The following TRMT112 variants were observed in gnomAD, a reference collection of about 807,000 sequenced individuals.
TRMT112 encodes tRNA methyltransferase activator subunit 11-2, also known as multifunctional methyltransferase subunit TRM112-like protein.
TRMT112 carries 9 observed loss-of-function variants against 13.8 expected under a neutral mutation model. The ratio of observed to expected loss-of-function variants is 0.65; its 90% CI spans 0.39 to 1.14. TRMT112 has a LOEUF of 1.14. Among genes scored for constraint, TRMT112 ranks in the 50% most tolerant of loss-of-function variants. The pLI is 0.01. For missense variants in TRMT112, 196 were observed against 165.5 expected (o/e 1.18, Z -1.01); for synonymous variants, 64 against 67.0 (o/e 0.96, Z 0.22).
At chr11:64,318,212 G>A (rs2035364798), upstream of TRMT112, 1 of 1,611,340 alleles carries the variant, frequency 6.2e-7, no homozygotes, top group Non-Finnish European at 8.5e-7. Flanking sequence ...GCCGTGGGGC[G>A]GGTATGGGAC....
chr11:64,317,510 T>G lies in TRMT112; in HGVS notation c.17A>C (p.His6Pro), dbSNP rs780435157. ...CCGCACATGCGAGCTCAGCAGATTG[T>G]GGGTAAGCAGTTTCATGTCGCCGCA... is the stretch of plus-strand genomic sequence containing the variant. MKLLT[H>P]NLLSSHVRGV... The change falls in exon 1 of 4, where the codon CAC (histidine) becomes CCC (proline). Residue 6 changes from histidine to proline, a missense_variant. Physicochemically the swap from His to Pro is moderately conservative, Grantham distance 77. Transcript: ENST00000544844. 3.8e-6 allele frequency: 6 copies of G among 1,586,616 alleles called. No individual in the cohort carries two copies. In the African/African-American group the frequency reaches 8.1e-5, roughly 21 times the overall value.
At chr11:64,316,991 C>T in intron 3 of TRMT112, 23 bp from the exon 4 acceptor site, 2 of 1,611,936 alleles carry the variant, frequency 1.2e-6, no homozygotes, top group Non-Finnish European at 1.7e-6. Flanking sequence ...AGGGACAGAG[C>T]TGAGCACTGG....
chr11:64,317,398 A>T, intron 1 of TRMT112, 33 bp from the exon 2 acceptor site: 8 of 1,613,726 alleles, frequency 5.0e-6, no homozygotes, highest in Non-Finnish European at 5.9e-6. Context: ...CAAGCACTGG[A>T]CCCCGGCCCA....
rs1314448637 is a variant in TRMT112 at position 64,316,766 on chromosome 11, T to A, written c.*95A>T. ...AAACACTGTGTTTGGTGTCATTGGG[T>A]CAAGGGTTGGGGATACACACGGCAG... On this transcript the variant is annotated 3_prime_UTR_variant, in exon 4 of 4. Transcript: ENST00000544844. 6.1e-6 allele frequency: 5 copies of A among 818,182 alleles called. No individual in the cohort carries two copies. In the East Asian group the frequency reaches 1.2e-4, roughly 20 times the overall value. The allele number at this position is 818,182 out of a possible 1,614,324, so 50.7% of individuals were successfully genotyped here. A position where few individuals can be genotyped will look rare whatever the true frequency, so the allele number is the denominator to read the frequency against.
rs552847770 is a variant in TRMT112, at chr11:64,317,401, C to G, written c.79-36G>C. 85 of 1,614,082 alleles carry G rather than the reference C, an allele frequency of 5.3e-5. 1 individual carries two copies. In the South Asian group the frequency reaches 8.3e-4, roughly 16 times the overall value. ...GAGGAGTTTAGGCAAGCACTGGACC[C>G]CGGCCCACCATCCCGCCCGAAAAGG... is the stretch of plus-strand genomic sequence containing the variant. On this transcript the variant is annotated intron_variant, in intron 1 of 3. Coordinates refer to ENST00000544844, the MANE Select transcript of TRMT112 (RefSeq NM_016404.3).
At position 64,316,687 on chromosome 11, in the gene TRMT112, C is replaced by T; in HGVS notation, c.*174G>A. On this transcript the variant is annotated 3_prime_UTR_variant, in exon 4 of 4. Transcript: ENST00000544844. ...AATGTATATTTGCTGCAAAGAGAAACCGCTTTTGGTTTTAAACCTTTAATG... is the reference window on the plus strand; with the variant it reads ...AATGTATATTTGCTGCAAAGAGAAATCGCTTTTGGTTTTAAACCTTTAATG... 7 of 609,670 alleles carry T rather than the reference C, an allele frequency of 1.1e-5. No homozygotes were observed. The highest frequency in any genetic ancestry group is 8.3e-5 in the South Asian group (4 of 48,256). The allele number at this position is 609,670 out of a possible 1,614,324, so 37.8% of individuals were successfully genotyped here. A position where few individuals can be genotyped will look rare whatever the true frequency, so the allele number is the denominator to read the frequency against.
chr11:64,318,020 G>A (rs1052830049), upstream of TRMT112: 3 of 1,413,246 alleles, frequency 2.1e-6, no homozygotes, highest in East Asian at 8.0e-5. Flanking sequence ...TTGTAGTTGC[G>A]TCGGCTGTCC....
At position 64,317,346 on chromosome 11, in the gene TRMT112, C is replaced by G; in HGVS notation, c.98G>C (p.Cys33Ser). Residue 33 changes from cysteine (C) to serine (S), a missense_variant, in exon 2 of 4, where the codon TGC becomes TCC. Coordinates refer to ENST00000544844, the MANE Select transcript of TRMT112 (RefSeq NM_016404.3). ...GAAGTTGGGGTTGAATTCCACAGGG[C>G]AGATACGGACCTCGGTGGCCTGCAG... Reference protein sequence around the residue: ...LRLQATEVRICPVEFNPNFVA... With the variant: ...LRLQATEVRISPVEFNPNFVA... 1 of 1,614,180 alleles carries G rather than the reference C, an allele frequency of 6.2e-7. No individual in the cohort carries two copies. Among genetic ancestry groups the G allele is most frequent in the Non-Finnish European group, 8.5e-7 (1 of 1,180,020 alleles).
intron 3 of TRMT112, 42 bp from the exon 4 acceptor site, chr11:64,317,010 G>T (rs1258837189): frequency 9.9e-6 from 16 of 1,611,332 alleles, no homozygotes; most frequent in Admixed American, 1.7e-5. Flanking sequence ...GGCAGCCTCA[G>T]TGCGGGAGGC....
chr11:64,317,558 C>T lies in TRMT112; in HGVS notation c.-32G>A, dbSNP rs367624863. 5.3e-6 allele frequency: 8 copies of T among 1,512,026 alleles called. No homozygotes were observed. In the African/African-American group the frequency reaches 8.3e-5, roughly 16 times the overall value. The allele number at this position is 1,512,026 out of a possible 1,614,324, so 93.7% of individuals were successfully genotyped here. On this transcript the variant is annotated 5_prime_UTR_variant, in exon 1 of 4. Transcript: ENST00000544844. ...GCACAAACTCTCGCCAGGCCGGAAC[C>T]GGAAAAAGGTCGTCCTCCGCTGCCT...
At chr11:64,317,571 T>A, upstream of TRMT112, 1 of 1,489,546 alleles carries the variant, frequency 6.7e-7, no homozygotes, top group Non-Finnish European at 9.0e-7. Context: ...AAAAAGGTCG[T>A]CCTCCGCTGC....
At chr11:64,318,392 C>A (rs1477917883), upstream of TRMT112, 7 of 1,601,512 alleles carry the variant, frequency 4.4e-6, no homozygotes, top group Non-Finnish European at 6.0e-6. Flanking sequence ...TCAAGGTGAC[C>A]GCTGGCCCGG....
In TRMT112 at chr11:64,316,912, G is replaced by A; in HGVS notation, c.327C>T (p.Ile109=). The change falls in exon 4 of 4, where the codon ATC becomes ATT. Residue 109 remains isoleucine, a synonymous_variant. Transcript: ENST00000544844. ...GCAGCATGTTGGGGATCCCGCGGCTGATGGGGAACATACGTCCAGATTCCG... is the reference window on the plus strand; with the variant it reads ...GCAGCATGTTGGGGATCCCGCGGCTAATGGGGAACATACGTCCAGATTCCG... ...QCPESGRMFP[I]SRGIPNMLLS... The A allele has an allele frequency of 6.2e-7, 1 of 1,612,072 alleles. No individual in the cohort carries two copies. The highest frequency in any genetic ancestry group is 8.5e-7 in the Non-Finnish European group (1 of 1,178,690).
At chr11:64,318,482 C>G, upstream of TRMT112, 1 of 1,444,958 alleles carries the variant, frequency 6.9e-7, no homozygotes, top group Non-Finnish European at 9.3e-7. Context: ...TCCTGCCTGC[C>G]AGACCCCTCC....
chr11:64,317,452 G>A lies in TRMT112; in HGVS notation c.75C>T (p.Leu25=). ...GAAGACTGCCGCCGGCGGGTACCTG[G>A]AGGCGCAGGGGGAAGCCACGGGACC... ...GVGSRGFPLR[L]QATEVRICPV... is the part of the protein sequence containing the mutation. Residue 25 remains leucine (L), a synonymous_variant, in exon 1 of 4, where the codon CTC becomes CTT. Coordinates refer to ENST00000544844, the MANE Select transcript of TRMT112 (RefSeq NM_016404.3). 1 of 1,611,502 alleles carries A rather than the reference G, an allele frequency of 6.2e-7. No homozygotes were observed. The highest frequency in any genetic ancestry group is 8.5e-7 in the Non-Finnish European group (1 of 1,178,766).
upstream of TRMT112, chr11:64,318,406 G>A: frequency 1.3e-6 from 2 of 1,592,364 alleles, no homozygotes; most frequent in South Asian, 1.1e-5. Flanking sequence ...GGCCCGGCCG[G>A]GCCTGACATC....
chr11:64,318,028 T>A, upstream of TRMT112: 1 of 1,427,894 alleles, frequency 7.0e-7, no homozygotes, highest in Non-Finnish European at 9.1e-7. Flanking sequence ...GCGTCGGCTG[T>A]CCAGCACCCA....
upstream of TRMT112, chr11:64,318,375 G>T (rs2035376780): frequency 6.2e-7 from 1 of 1,607,802 alleles, no homozygotes; most frequent in Non-Finnish European, 8.5e-7. Context: ...TGCAGCCATG[G>T]CCCCAATCAA....
intron 3 of TRMT112, 26 bp downstream of exon 3, chr11:64,317,032 G>A (rs1326271178): frequency 6.2e-7 from 1 of 1,613,888 alleles, no homozygotes; most frequent in East Asian, 2.2e-5. Context: ...GGTGGCCCGG[G>A]AAGCAAGTGA....
Sources: gnomAD v4.1 joint callset for allele counts on GRCh38, gnomAD v4.1.1 for gene constraint, MANE v1.5 for transcripts, NCBI Gene and HGNC (gene_info 2026-07-23, HGNC 2026-07-21) for gene names.